The following MYLK4 variants were observed in gnomAD, a reference collection of about 807,000 sequenced individuals.
MYLK4 encodes caMLCK like.
In MYLK4, 46 loss-of-function variants were observed where a neutral mutation model predicts 48.1. The observed-to-expected ratio is 0.96, with a 90% confidence interval of 0.75 to 1.22. The LOEUF is 1.22. Ranked by LOEUF, MYLK4 falls within the 50% of genes most tolerant of loss-of-function variation. The pLI, the probability that MYLK4 is intolerant of heterozygous loss-of-function variation, is 0.00. For missense variants in MYLK4, 451 were observed against 486.1 expected, an observed-to-expected ratio of 0.93 and a Z score of 0.68; for synonymous variants, 170 against 180.8, an observed-to-expected ratio of 0.94 and a Z score of 0.48.
chr6:2,726,426 CT>C (rs1001705201), intron 2 of MYLK4, among the ~76,000 whole-genome samples: 71 of 152,172 alleles, frequency 4.7e-4, no homozygotes, highest in African/African-American at 1.7e-3. Context: ...CGTGCAGGGG[CT>C]GCTTCCGTAA....
At chr6:2,713,447 G>C (rs2113257938) in intron 2 of MYLK4, among the ~76,000 whole-genome samples, 1 of 152,180 alleles carries the variant, frequency 6.6e-6, no homozygotes, top group East Asian at 1.9e-4. Context: ...CCTTCAGCAA[G>C]CATTTTCAAG....
chr6:2,702,054 C>T (rs547608393), intron 2 of MYLK4, among the ~76,000 whole-genome samples: 3 of 152,270 alleles, frequency 2.0e-5, no homozygotes, highest in East Asian at 1.9e-4. Context: ...CACTGGGGGC[C>T]GCATGCCGCT....
chr6:2,764,973 T>G, the MYLK4 span, among the ~76,000 whole-genome samples: 1 of 152,182 alleles, frequency 6.6e-6, no homozygotes, highest in Non-Finnish European at 1.5e-5. Flanking sequence ...TCCCTTTCGT[T>G]ACAAACGACC....
chr6:2,708,577 T>C (rs1366957020), intron 2 of MYLK4, among the ~76,000 whole-genome samples: 1 of 152,232 alleles, frequency 6.6e-6, no homozygotes, highest in Non-Finnish European at 1.5e-5. Context: ...GTAAATCGGC[T>C]ATTCTAGTAT....
chr6:2,688,007 G>A (rs1484617859), intron 4 of MYLK4, among the ~76,000 whole-genome samples: 3 of 152,128 alleles, frequency 2.0e-5, no homozygotes, highest in Non-Finnish European at 4.4e-5. Context: ...ACCCCCAGCA[G>A]GAAGCGGGTC....
At chr6:2,754,421 A>G (rs1764374322), upstream of MYLK4, among the ~76,000 whole-genome samples, 1 of 152,158 alleles carries the variant, frequency 6.6e-6, no homozygotes, top group African/African-American at 2.4e-5. Flanking sequence ...AAAAAAAGCC[A>G]GAAACATAGA....
At chr6:2,679,619 C>G in intron 8 of MYLK4, 1 of 667,318 alleles carries the variant, frequency 1.5e-6, no homozygotes. Context: ...TACTAGGAAA[C>G]CTTAAAAGCT....
At chr6:2,729,832 T>C (rs546837581) in intron 2 of MYLK4, among the ~76,000 whole-genome samples, 1 of 152,254 alleles carries the variant, frequency 6.6e-6, no homozygotes, top group East Asian at 1.9e-4. Flanking sequence ...GTGATCTTTT[T>C]TCATTTATAT....
intron 2 of MYLK4, among the ~76,000 whole-genome samples, chr6:2,745,965 G>A (rs1193925345): frequency 6.8e-6 from 1 of 147,428 alleles, no homozygotes; most frequent in East Asian, 2.0e-4. Context: ...AAAATTAAAA[G>A]AACAAGGCCG....
At position 2,685,096 on chromosome 6, in the gene MYLK4, G is replaced by A. The variant is rs565074488; in HGVS notation, c.545+200C>T. ...ATCTACTTGGTCCCACTACTTCTTA[G>A]CAATAAAATCCCATATGGAGATTTG... is the stretch of plus-strand genomic sequence containing the variant. On this transcript the variant is annotated intron_variant, in intron 6 of 12. Coordinates refer to ENST00000274643, the MANE Select transcript of MYLK4 (RefSeq NM_001012418.5). The surrounding 1 kb of genome is among the most constrained non-coding windows in gnomAD (Gnocchi z 4.5). 1.3e-5 allele frequency among the ~76,000 whole-genome samples: 2 copies of A among 152,312 alleles called. No individual in the cohort carries two copies. The highest frequency in any genetic ancestry group is 3.9e-4 in the East Asian group (2 of 5,192).
chr6:2,748,776 G>A (rs573876778), intron 2 of MYLK4, among the ~76,000 whole-genome samples: 2 of 152,260 alleles, frequency 1.3e-5, no homozygotes, highest in East Asian at 3.9e-4. Flanking sequence ...CTCAAGATCT[G>A]AAGGAAAAAG....
At chr6:2,725,974 C>A (rs576841202) in intron 2 of MYLK4, among the ~76,000 whole-genome samples, 86 of 152,324 alleles carry the variant, frequency 5.6e-4, no homozygotes, top group African/African-American at 2.0e-3. Flanking sequence ...TTTGGAAGGT[C>A]TGTTTTTATA....
intron 12 of MYLK4, among the ~76,000 whole-genome samples, chr6:2,668,560 T>C (rs896291375): frequency 6.6e-6 from 1 of 152,200 alleles, no homozygotes; most frequent in Admixed American, 6.5e-5. Flanking sequence ...TGGAACTCTT[T>C]CTTTTACAAC....
chr6:2,694,075 A>G (rs1761922005), intron 2 of MYLK4, among the ~76,000 whole-genome samples: 1 of 152,278 alleles, frequency 6.6e-6, no homozygotes, highest in Non-Finnish European at 1.5e-5. Context: ...GTGCTTTTAC[A>G]CAATGCAGGG....
the MYLK4 span, among the ~76,000 whole-genome samples, chr6:2,761,801 T>C: frequency 1.3e-5 from 2 of 152,204 alleles, no homozygotes; most frequent in Admixed American, 1.3e-4. Context: ...GTGGGAGACA[T>C]GCACACACAC....
chr6:2,685,192 G>A lies in MYLK4; in HGVS notation c.545+104C>T, dbSNP rs1761480554. ...CGCGCGAATCAGAGTCTGCGGGGGC[G>A]AGCTTGGTTCTGGTCCCGCTACAGC... is the stretch of plus-strand genomic sequence containing the variant. On this transcript the variant is annotated intron_variant, in intron 6 of 12. Coordinates refer to ENST00000274643, the MANE Select transcript of MYLK4 (RefSeq NM_001012418.5). The surrounding 1 kb of genome is among the most constrained non-coding windows in gnomAD (Gnocchi z 4.5). 3 of 787,856 alleles carry A rather than the reference G, an allele frequency of 3.8e-6. No individual in the cohort carries two copies. Among genetic ancestry groups the A allele is most frequent in the Non-Finnish European group, 6.7e-6 (3 of 447,690 alleles). 48.8% of individuals were successfully genotyped at this position (787,856 alleles called of 1,614,324 possible). A position where few individuals can be genotyped will look rare whatever the true frequency, so the allele number is the denominator to read the frequency against.
intron 12 of MYLK4, among the ~76,000 whole-genome samples, chr6:2,669,616 G>C (rs972171179): frequency 6.6e-6 from 1 of 152,168 alleles, no homozygotes; most frequent in Non-Finnish European, 1.5e-5. Context: ...GAAGGCGAGG[G>C]AGAGAAGGAG....
chr6:2,690,823 CTTTTTTTTTTT>C (rs35133716), intron 3 of MYLK4, among the ~76,000 whole-genome samples: 5 of 88,834 alleles, frequency 5.6e-5, no homozygotes, highest in Admixed American at 1.4e-4. Flanking sequence ...CTCTCTGAAT[CTTTTTTTTTTT>C]TTTTTTTTTT....
intron 2 of MYLK4, among the ~76,000 whole-genome samples, chr6:2,746,266 CAAAAAAAGAAAAAAAG>C (rs138621357): frequency 3.4e-5 from 5 of 145,932 alleles, no homozygotes; most frequent in Non-Finnish European, 7.5e-5. Context: ...GACTCCGTCT[CAAAAAAAGAAAAAAAG>C]AAAAAAAGAA....
Sources: allele counts gnomAD v4.1 joint callset (sites outside exome capture counted in the v4.1 genomes callset), GRCh38; gene constraint gnomAD v4.1.1; non-coding constraint Gnocchi (gnomAD v3.1); transcripts MANE v1.5; gene names NCBI Gene and HGNC (gene_info 2026-07-23, HGNC 2026-07-21).